TRPC3: variants seen among roughly 807,000 people sequenced by gnomAD.
The protein encoded by TRPC3 is transient receptor potential cation channel subfamily C member 3, also known as short transient receptor potential channel 3.
TRPC3 carries 54 observed loss-of-function variants against 90.9 expected under a neutral mutation model. That is an observed-to-expected ratio of 0.59 (90% CI 0.48 to 0.75). TRPC3 has a LOEUF of 0.75. TRPC3 is among the 30% of genes least tolerant of loss of function. TRPC3 has a pLI of 0.00. For synonymous variants in TRPC3, 424 were observed against 450.9 expected (o/e 0.94, Z 0.75); for missense variants, 918 against 1,194.5 (o/e 0.77, Z 3.41).
chr4:121,888,476 C>T (rs1261195843), intron 10 of TRPC3, among the ~76,000 whole-genome samples: 1 of 151,794 alleles, frequency 6.6e-6, no homozygotes, highest in African/African-American at 2.4e-5. Context: ...TAAAAATATT[C>T]TGAGTTGTGA....
intron 10 of TRPC3, among the ~76,000 whole-genome samples, chr4:121,890,134 G>A (rs1179797425): frequency 6.6e-6 from 1 of 152,188 alleles, no homozygotes; most frequent in African/African-American, 2.4e-5. Flanking sequence ...GAAGTAGAGA[G>A]TAGAATAGTG....
intron 2 of TRPC3, among the ~76,000 whole-genome samples, chr4:121,929,074 GT>G (rs1257959292): frequency 6.6e-6 from 1 of 152,158 alleles, no homozygotes; most frequent in African/African-American, 2.4e-5. Flanking sequence ...CTTAGAATGT[GT>G]TTGGTACAAA....
At position 121,912,186 on chromosome 4, in the gene TRPC3, G is replaced by C. The variant is rs994311707; in HGVS notation, c.1342-93C>G. On this transcript the variant is annotated intron_variant, in intron 4 of 11. Transcript: ENST00000379645. ...TAGGATTAAAAAAAATAGATGAAAG[G>C]AGAACACTCAAAATTCTGCTTCTGT... The C allele has an allele frequency of 4.7e-6, 5 of 1,065,322 alleles. No homozygotes were observed. The African/African-American group carries it at 6.4e-5, about 14-fold the overall frequency. 66.0% of individuals were successfully genotyped at this position (1,065,322 alleles called of 1,614,324 possible). A position where few individuals can be genotyped will look rare whatever the true frequency, so the allele number is the denominator to read the frequency against.
chr4:121,879,622 T>C lies in TRPC3; in HGVS notation c.*114A>G, dbSNP rs201517294. On this transcript the variant is annotated 3_prime_UTR_variant, in exon 12 of 12. Transcript: ENST00000379645. ...AAGAGCTAACTTTTAAAGGTTCACA[T>C]GATAAAGGTAGTTAATACTAAAAAT... 60 of 1,140,516 alleles carry C rather than the reference T, an allele frequency of 5.3e-5. No individual in the cohort carries two copies. Among genetic ancestry groups the C allele is most frequent in the Non-Finnish European group, 6.8e-5 (55 of 811,216 alleles). 70.6% of individuals were successfully genotyped at this position (1,140,516 alleles called of 1,614,324 possible). A position where few individuals can be genotyped will look rare whatever the true frequency, so the allele number is the denominator to read the frequency against.
chr4:121,897,663 G>A (rs4484320), intron 10 of TRPC3, among the ~76,000 whole-genome samples: 2,058 of 151,640 alleles, frequency 0.014, 92 homozygotes, highest in Admixed American at 0.09. Context: ...AAAAATGCTG[G>A]TAAGAATGCA....
At chr4:121,896,671 A>G (rs1460551940) in intron 10 of TRPC3, among the ~76,000 whole-genome samples, 4 of 149,256 alleles carry the variant, frequency 2.7e-5, no homozygotes, top group South Asian at 2.2e-4. Flanking sequence ...AATGTACCAC[A>G]TGCTCATGGA....
chr4:121,937,781 TA>T (rs1006227411), intron 1 of TRPC3, among the ~76,000 whole-genome samples: 2 of 152,196 alleles, frequency 1.3e-5, no homozygotes, highest in African/African-American at 4.8e-5. Context: ...GCCCCTCTCT[TA>T]GGGGGACTGC....
chr4:121,911,782 TAA>T, intron 5 of TRPC3, 93 bp downstream of exon 5: 1 of 1,228,776 alleles, frequency 8.1e-7, no homozygotes, highest in Non-Finnish European at 1.1e-6. Context: ...TGTCACCATA[TAA>T]GATATAATAA....
intron 2 of TRPC3, among the ~76,000 whole-genome samples, chr4:121,925,409 C>T (rs1010816693): frequency 2.0e-5 from 3 of 151,998 alleles, no homozygotes; most frequent in African/African-American, 7.3e-5. Context: ...CTGCAACCAG[C>T]CCAACCATCC....
chr4:121,910,671 G>C (rs531743013), intron 5 of TRPC3, among the ~76,000 whole-genome samples: 34 of 152,156 alleles, frequency 2.2e-4, no homozygotes, highest in South Asian at 1.0e-3. Flanking sequence ...GGTGGTGGAG[G>C]GGGGTGAGGA....
rs1370316764 is a variant in TRPC3, at chr4:121,879,295, C to G, written c.*441G>C. 6.6e-6 allele frequency: 1 copy of G among 150,432 alleles called. No homozygotes were observed. The highest frequency in any genetic ancestry group is 1.5e-5 in the Non-Finnish European group (1 of 67,962). 9.3% of individuals were successfully genotyped at this position (150,432 alleles called of 1,614,324 possible). On this transcript the variant is annotated 3_prime_UTR_variant, in exon 12 of 12. Transcript: ENST00000379645. ...GGGAAGGTATGCTACATAGTGAAGA[C>G]TTTTTATTTTTATTTTGTTGGCAGT...
intron 4 of TRPC3, among the ~76,000 whole-genome samples, chr4:121,912,849 C>T (rs112391530): frequency 1.3e-5 from 2 of 152,146 alleles, no homozygotes; most frequent in African/African-American, 4.8e-5. Context: ...CTTAAAAGTC[C>T]CACGTTCCCG....
chr4:121,899,002 C>A (rs1728612814), intron 10 of TRPC3, among the ~76,000 whole-genome samples: 1 of 152,142 alleles, frequency 6.6e-6, no homozygotes, highest in Admixed American at 6.6e-5. Context: ...CCTTGATCGT[C>A]ACTTTTGTGA....
chr4:121,951,523 G>T lies in TRPC3; in HGVS notation c.158C>A (p.Pro53His). The change falls in exon 1 of 12, where the codon CCC (proline) becomes CAC (histidine). Residue 53 changes from proline (P) to histidine (H), a missense_variant. Transcript: ENST00000379645. The surrounding 1 kb of genome is among the most constrained non-coding windows in gnomAD (Gnocchi z 4.4). The part of the protein sequence containing the change: ...VNGGLEPRSA[P>H]SQREPHGYCP... Reference sequence around the variant, plus strand: ...GTAGCCGTGCGGCTCCCGCTGCGAGGGCGCCGAGCGCGGCTCCAGCCCCCC... The same window carrying T: ...GTAGCCGTGCGGCTCCCGCTGCGAGTGCGCCGAGCGCGGCTCCAGCCCCCC... 1 of 1,389,834 alleles carries T rather than the reference G, an allele frequency of 7.2e-7. No individual in the cohort carries two copies. Among genetic ancestry groups the T allele is most frequent in the South Asian group, 1.7e-5 (1 of 59,668 alleles). The allele number at this position is 1,389,834 out of a possible 1,614,324, so 86.1% of individuals were successfully genotyped here.
At chr4:121,892,220 T>C (rs1283220420) in intron 10 of TRPC3, among the ~76,000 whole-genome samples, 4 of 152,224 alleles carry the variant, frequency 2.6e-5, no homozygotes, top group African/African-American at 9.6e-5. Context: ...TTTAAAAATA[T>C]TAAGATAAAC....
At position 121,932,541 on chromosome 4, in the gene TRPC3, C is replaced by G; in HGVS notation, c.717G>C (p.Leu239=). 1 of 1,614,212 alleles carries G rather than the reference C, an allele frequency of 6.2e-7. No individual in the cohort carries two copies. Among genetic ancestry groups the G allele is most frequent in the Non-Finnish European group, 8.5e-7 (1 of 1,180,038 alleles). Residue 239 remains leucine (L), a synonymous_variant, in exon 2 of 12, where the codon CTG becomes CTC. Coordinates refer to ENST00000379645, the MANE Select transcript of TRPC3 (RefSeq NM_001130698.2). The surrounding 1 kb of genome is among the most constrained non-coding windows in gnomAD (Gnocchi z 7.7). The part of the protein sequence containing the change: ...RFSPDITPII[L]AAHCQKYEVV... ...CTTCGTATTTCTGGCAGTGCGCCGC[C>G]AGGATGATGGGGGTGATGTCCGGCG...
chr4:121,916,094 T>C (rs1729308922), intron 3 of TRPC3, among the ~76,000 whole-genome samples: 1 of 152,218 alleles, frequency 6.6e-6, no homozygotes, highest in African/African-American at 2.4e-5. Context: ...GGTTCCTCTT[T>C]GATCAAGTTC....
chr4:121,923,658 T>C (rs1036769872), intron 3 of TRPC3, among the ~76,000 whole-genome samples: 10 of 152,226 alleles, frequency 6.6e-5, no homozygotes, highest in Non-Finnish European at 1.2e-4. Flanking sequence ...GTACAACTAT[T>C]GTCTTCACTT....
At chr4:121,944,105 CTA>C (rs1730411268) in intron 1 of TRPC3, among the ~76,000 whole-genome samples, 1 of 152,112 alleles carries the variant, frequency 6.6e-6, no homozygotes, top group South Asian at 2.1e-4. Flanking sequence ...GGCCAGACTC[CTA>C]TGTGTTCACC....
Sources: allele counts gnomAD v4.1 joint callset (sites outside exome capture counted in the v4.1 genomes callset), GRCh38; gene constraint gnomAD v4.1.1; non-coding constraint Gnocchi (gnomAD v3.1); transcripts MANE v1.5; gene names NCBI Gene and HGNC (gene_info 2026-07-23, HGNC 2026-07-21).